SIPA1L1: variants seen among roughly 807,000 people sequenced by gnomAD.
SIPA1L1 encodes signal induced proliferation associated 1 like 1.
Under a neutral mutation model 162.7 loss-of-function variants are expected in SIPA1L1, and 26 were observed. The ratio of observed to expected loss-of-function variants is 0.16; its 90% confidence interval spans 0.12 to 0.22. The LOEUF (loss-of-function observed/expected upper bound fraction) is 0.22. SIPA1L1 is among the 10% of genes least tolerant of loss of function. The pLI is 1.00. For synonymous variants in SIPA1L1, 829 were observed against 837.4 expected, an observed-to-expected ratio of 0.99 and a Z score of 0.17; for missense variants, 1,874 against 2,241.0, an observed-to-expected ratio of 0.84 and a Z score of 3.31.
intron 12 of SIPA1L1, among the ~76,000 whole-genome samples, chr14:71,674,763 A>C (rs1327412028): frequency 8.6e-5 from 13 of 150,606 alleles, no homozygotes; most frequent in African/African-American, 3.2e-4. Flanking sequence ...ACGGGGTTTC[A>C]CCGTTTTAGC....
chr14:71,353,653 T>G (rs1183031162), intron 2 of SIPA1L1, among the ~76,000 whole-genome samples: 2 of 151,370 alleles, frequency 1.3e-5, no homozygotes, highest in East Asian at 1.9e-4. Context: ...TCTGAGGGAG[T>G]GATTATGGTG....
At chr14:71,694,139 AT>A (rs2149705454) in intron 13 of SIPA1L1, among the ~76,000 whole-genome samples, 1 of 152,328 alleles carries the variant, frequency 6.6e-6, no homozygotes, top group South Asian at 2.1e-4. Context: ...ATAAGAATCT[AT>A]TAATGTTGGC....
intron 2 of SIPA1L1, among the ~76,000 whole-genome samples, chr14:71,486,778 C>T (rs1176966170): frequency 2.0e-5 from 3 of 152,082 alleles, no homozygotes; most frequent in Non-Finnish European, 4.4e-5. Flanking sequence ...ATTCTTAATG[C>T]ACCATTATTA....
rs775738931 is a variant in SIPA1L1, at chr14:71,730,254, T to A, written c.4814T>A (p.Leu1605His). ...SSTYPSLPKS[L>H]PLRRPSYTLG... ...ACGTACCCTTCTCTCCCCAAGTCGC[T>A]CCCGTTGAGGAGGCCTTCTTACACC... Residue 1605 changes from leucine (L) to histidine (H), a missense_variant, in exon 20 of 24, where the codon CTC becomes CAC. Coordinates refer to ENST00000381232, the MANE Select transcript of SIPA1L1 (RefSeq NM_001386936.1). 6.2e-7 allele frequency: 1 copy of A among 1,614,132 alleles called. No homozygotes were observed. The highest frequency in any genetic ancestry group is 8.5e-7 in the Non-Finnish European group (1 of 1,180,024).
Position 71,497,496 on chromosome 14 carries a change from C to G in SIPA1L1, c.-464-15247C>G, listed in dbSNP as rs569121433. ...CTACCCCTTTATAGTCACCTCTTTG[C>G]CTACCTATAATCTCTGGCAACCACT... On this transcript the variant is annotated intron_variant, in intron 2 of 23. Transcript: ENST00000381232. Among the ~76,000 whole-genome samples, 77 of 152,334 alleles carry G rather than the reference C, an allele frequency of 5.1e-4. 2 individuals carry two copies. The South Asian group carries it at 0.015, about 30-fold the overall frequency.
intron 2 of SIPA1L1, among the ~76,000 whole-genome samples, chr14:71,390,249 A>G (rs1360076229): frequency 6.6e-6 from 1 of 152,244 alleles, no homozygotes; most frequent in Non-Finnish European, 1.5e-5. Context: ...TTATTATAGA[A>G]AAATTGGAAA....
intron 10 of SIPA1L1, among the ~76,000 whole-genome samples, chr14:71,667,480 G>C (rs2044127487): frequency 6.6e-6 from 1 of 152,186 alleles, no homozygotes. Context: ...CTAGCACATA[G>C]TAGGTACTCA....
chr14:71,732,210 G>A (rs1380611550), intron 20 of SIPA1L1, among the ~76,000 whole-genome samples: 1 of 152,300 alleles, frequency 6.6e-6, no homozygotes, highest in East Asian at 1.9e-4. Context: ...GGAAAACAAA[G>A]CATTTAATAC....
intron 5 of SIPA1L1, among the ~76,000 whole-genome samples, chr14:71,592,278 G>T (rs2035502222): frequency 6.6e-6 from 1 of 152,214 alleles, no homozygotes; most frequent in African/African-American, 2.4e-5. Context: ...ACCACAAATA[G>T]TGGCTCTGGA....
rs2043685373 is a variant in SIPA1L1 at position 71,663,157 on chromosome 14, A to AGTGCCAAG, written c.2255+1690_2255+1691insGTGCCAAG. ...AAAGTGCCAAGATATAGATGAAATT[A>AGTGCCAAG]ATGTTGACACTGTTTTTGACCAATT... On this transcript the variant is annotated intron_variant, in intron 10 of 23. Coordinates refer to ENST00000381232, the MANE Select transcript of SIPA1L1 (RefSeq NM_001386936.1). 2.0e-5 allele frequency among the ~76,000 whole-genome samples: 3 copies of AGTGCCAAG among 152,232 alleles called. No individual in the cohort carries two copies. In the South Asian group the frequency reaches 6.2e-4, roughly 31 times the overall value.
intron 2 of SIPA1L1, among the ~76,000 whole-genome samples, chr14:71,322,515 C>T (rs1375226440): frequency 2.0e-5 from 3 of 152,120 alleles, no homozygotes; most frequent in Non-Finnish European, 4.4e-5. Flanking sequence ...TAGGTCTCAG[C>T]TAATTTATTA....
intron 2 of SIPA1L1, among the ~76,000 whole-genome samples, chr14:71,348,963 A>C (rs1180882198): frequency 2.0e-5 from 3 of 152,268 alleles, no homozygotes; most frequent in Non-Finnish European, 4.4e-5. Flanking sequence ...ATAAGGTGAG[A>C]GAAGCTCTTA....
chr14:71,551,832 C>T (rs943900980), intron 4 of SIPA1L1, among the ~76,000 whole-genome samples: 2 of 152,160 alleles, frequency 1.3e-5, no homozygotes, highest in Admixed American at 1.3e-4. Flanking sequence ...TTGCTCTTCC[C>T]TCTGCCTGGA....
At chr14:71,623,419 T>C (rs1031155212) in intron 6 of SIPA1L1, among the ~76,000 whole-genome samples, 1 of 152,238 alleles carries the variant, frequency 6.6e-6, no homozygotes, top group East Asian at 1.9e-4. Flanking sequence ...TAGGAAAATG[T>C]CTTTGCTTAA....
chr14:71,605,006 GGGACTCTGAAAA>G, intron 5 of SIPA1L1, among the ~76,000 whole-genome samples: 2 of 151,914 alleles, frequency 1.3e-5, no homozygotes, highest in Non-Finnish European at 2.9e-5. Flanking sequence ...TTCACCTTCT[GGGACTCTGAAAA>G]TTTGAATATT....
intron 4 of SIPA1L1, among the ~76,000 whole-genome samples, chr14:71,547,694 A>G (rs1041540100): frequency 1.3e-5 from 2 of 152,112 alleles, no homozygotes; most frequent in Admixed American, 6.6e-5. Flanking sequence ...CTTTCCTTCC[A>G]CGCTGCTGGA....
rs1195678699 is a variant in SIPA1L1, at chr14:71,724,910, C to CT, written c.4614+78dup. 9 of 1,361,668 alleles carry CT rather than the reference C, an allele frequency of 6.6e-6. No homozygotes were observed. The African/African-American group carries it at 1.0e-4, about 15-fold the overall frequency. 84.3% of individuals were successfully genotyped at this position (1,361,668 alleles called of 1,614,324 possible). On this transcript the variant is annotated intron_variant, in intron 19 of 23. Coordinates refer to ENST00000381232, the MANE Select transcript of SIPA1L1 (RefSeq NM_001386936.1). ...GATGGGGCTATTAACCATAGTCACACTTTCCAGAAAGTGTTGGTTACTGGC... is the reference window on the plus strand; with the variant it reads ...GATGGGGCTATTAACCATAGTCACACTTTTCCAGAAAGTGTTGGTTACTGGC...
intron 3 of SIPA1L1, among the ~76,000 whole-genome samples, chr14:71,520,710 G>T (rs541682060): frequency 1.3e-5 from 2 of 152,128 alleles, no homozygotes; most frequent in East Asian, 3.9e-4. Flanking sequence ...TATTGTTACA[G>T]TATTCCGTTA....
intron 2 of SIPA1L1, among the ~76,000 whole-genome samples, chr14:71,454,019 A>AGG (rs2046011119): frequency 6.6e-6 from 1 of 150,668 alleles, no homozygotes; most frequent in Non-Finnish European, 1.5e-5. Flanking sequence ...AAAAAAAAAA[A>AGG]AAAAAAGGAA....
Sources: allele counts gnomAD v4.1 joint callset (sites outside exome capture counted in the v4.1 genomes callset), GRCh38; gene constraint gnomAD v4.1.1; transcripts MANE v1.5; gene names NCBI Gene and HGNC (gene_info 2026-07-23, HGNC 2026-07-21).